Variants in NXPH1 observed in about 807,000 individuals in gnomAD.
NXPH1 encodes the protein neurexophilin 1, also known as neurexophilin-1.
Under a neutral mutation model 23.7 loss-of-function variants are expected in NXPH1, and 5 were observed. The ratio of observed to expected loss-of-function variants is 0.21; its 90% confidence interval spans 0.11 to 0.44. The LOEUF (loss-of-function observed/expected upper bound fraction) is 0.44. NXPH1 is among the 20% of genes least tolerant of loss of function. NXPH1 has a pLI of 0.99. For missense variants in NXPH1, 324 were observed against 321.6 expected (o/e 1.01, Z -0.06); for synonymous variants, 144 against 122.2 (o/e 1.18, Z -1.18).
intron 2 of NXPH1, among the ~76,000 whole-genome samples, chr7:8,634,714 T>G (rs1245272645): frequency 4.2e-5 from 6 of 141,208 alleles, no homozygotes; most frequent in African/African-American, 1.3e-4. Context: ...CAGCCTCACT[T>G]CACCATGTGA....
intron 2 of NXPH1, among the ~76,000 whole-genome samples, chr7:8,531,997 C>G (rs1817956080): frequency 6.6e-6 from 1 of 152,140 alleles, no homozygotes; most frequent in South Asian, 2.1e-4. Context: ...GAGGTACCCT[C>G]AATCCCAACA....
intron 2 of NXPH1, among the ~76,000 whole-genome samples, chr7:8,568,357 T>C (rs1203318377): frequency 2.6e-5 from 4 of 151,970 alleles, no homozygotes; most frequent in African/African-American, 9.7e-5. Context: ...GATGCTATGA[T>C]TTTTAAAAAT....
chr7:8,730,066 G>A (rs1040861984), intron 2 of NXPH1, among the ~76,000 whole-genome samples: 2 of 152,108 alleles, frequency 1.3e-5, no homozygotes, highest in East Asian at 1.9e-4. Context: ...AGCTCTTCTT[G>A]TTGAATTGAT....
intron 2 of NXPH1, among the ~76,000 whole-genome samples, chr7:8,595,292 C>T (rs958932934): frequency 4.0e-5 from 6 of 151,846 alleles, no homozygotes; most frequent in African/African-American, 7.3e-5. Flanking sequence ...AAAATAAAGA[C>T]AACAAATATG....
chr7:8,438,635 T>G (rs1351737866), intron 2 of NXPH1, among the ~76,000 whole-genome samples: 1 of 152,202 alleles, frequency 6.6e-6, no homozygotes, highest in Non-Finnish European at 1.5e-5. Flanking sequence ...TCTAGTTATC[T>G]CCTAAAGAAA....
chr7:8,718,659 G>T (rs985061176), intron 2 of NXPH1, among the ~76,000 whole-genome samples: 1 of 152,072 alleles, frequency 6.6e-6, no homozygotes, highest in Non-Finnish European at 1.5e-5. Flanking sequence ...ATCCTTTTCC[G>T]AATCTTCCTA....
intron 2 of NXPH1, among the ~76,000 whole-genome samples, chr7:8,708,196 A>G (rs115473326): frequency 8.0e-4 from 122 of 152,270 alleles, no homozygotes; most frequent in Middle Eastern, 3.4e-3. Flanking sequence ...ATGATCAAAC[A>G]TGAGGAACCT....
At chr7:8,678,342 A>G (rs1820986461) in intron 2 of NXPH1, among the ~76,000 whole-genome samples, 1 of 152,114 alleles carries the variant, frequency 6.6e-6, no homozygotes, top group Non-Finnish European at 1.5e-5. Flanking sequence ...CCTTGAGTAG[A>G]TATATTTTTC....
intron 2 of NXPH1, among the ~76,000 whole-genome samples, chr7:8,553,033 T>C (rs1349736741): frequency 6.6e-6 from 1 of 151,504 alleles, no homozygotes; most frequent in Non-Finnish European, 1.5e-5. Context: ...AGAGAGCACA[T>C]ATGTACCAAA....
chr7:8,454,211 A>G (rs779691094), intron 2 of NXPH1, among the ~76,000 whole-genome samples: 2 of 152,140 alleles, frequency 1.3e-5, no homozygotes, highest in Non-Finnish European at 2.9e-5. Flanking sequence ...ACAAACCTGC[A>G]CTTGTACCCC....
At position 8,680,788 on chromosome 7, in the gene NXPH1, T is replaced by G. The variant is rs147365653; in HGVS notation, c.55-70220T>G. ...GAGCTGCCAGTGCTAATGAGGTAGC[T>G]CCCATCAAGGATACCTGTGATCAGC... On this transcript the variant is annotated intron_variant, in intron 2 of 2. Transcript: ENST00000405863. 1.0e-3 allele frequency among the ~76,000 whole-genome samples: 158 copies of G among 152,280 alleles called. 2 individuals are homozygous for G. The highest frequency in any genetic ancestry group is 6.8e-3 in the South Asian group (33 of 4,824).
chr7:8,538,224 AATATCT>A (rs1818059294), intron 2 of NXPH1, among the ~76,000 whole-genome samples: 1 of 151,884 alleles, frequency 6.6e-6, no homozygotes, highest in Admixed American at 6.6e-5. Flanking sequence ...CTTGCCCCCA[AATATCT>A]GGCTGGTGAC....
Position 8,445,557 on chromosome 7 carries a change from C to T in NXPH1, c.54+9790C>T, listed in dbSNP as rs368120125. ...CAGGAATTTTAATACAATTGAAAAC[C>T]GCAGACTAAAAGAAAGAGGCACTTT... On this transcript the variant is annotated intron_variant, in intron 2 of 2. Transcript: ENST00000405863. 5.9e-5 allele frequency among the ~76,000 whole-genome samples: 9 copies of T among 152,060 alleles called. No homozygotes were observed. In the East Asian group the frequency reaches 7.7e-4, roughly 13 times the overall value.
rs762594191 is a variant in NXPH1 at position 8,634,195 on chromosome 7, C to T, written c.55-116813C>T. ...GTATCATGGGAGAGACCCGGTGGTA[C>T]GTAATTGAATCATGGGGGCGGGTTT... is the stretch of plus-strand genomic sequence containing the variant. On this transcript the variant is annotated intron_variant, in intron 2 of 2. Coordinates refer to ENST00000405863, the MANE Select transcript of NXPH1 (RefSeq NM_152745.3). 2.0e-5 allele frequency among the ~76,000 whole-genome samples: 3 copies of T among 151,962 alleles called. No individual in the cohort carries two copies. The East Asian group carries it at 5.8e-4, about 29-fold the overall frequency.
At chr7:8,728,898 A>G (rs1203182213) in intron 2 of NXPH1, among the ~76,000 whole-genome samples, 1 of 151,070 alleles carries the variant, frequency 6.6e-6, no homozygotes, top group African/African-American at 2.4e-5. Context: ...TGATTGGAAT[A>G]GTTTCAGAAG....
chr7:8,681,034 A>G (rs1821041626), intron 2 of NXPH1, among the ~76,000 whole-genome samples: 1 of 152,214 alleles, frequency 6.6e-6, no homozygotes, highest in African/African-American at 2.4e-5. Context: ...TCAAACACAC[A>G]ACTGGCTAGT....
intron 2 of NXPH1, among the ~76,000 whole-genome samples, chr7:8,606,213 C>T (rs990234650): frequency 1.3e-5 from 2 of 151,900 alleles, no homozygotes; most frequent in Admixed American, 6.6e-5. Context: ...AACAGATGAA[C>T]AGATTGATAG....
intron 2 of NXPH1, among the ~76,000 whole-genome samples, chr7:8,696,414 C>T (rs965186406): frequency 6.6e-6 from 1 of 152,084 alleles, no homozygotes; most frequent in Non-Finnish European, 1.5e-5. Flanking sequence ...TACTAAATAA[C>T]TAAGTAAGCC....
chr7:8,736,448 T>A (rs1200947929), intron 2 of NXPH1, among the ~76,000 whole-genome samples: 1 of 152,210 alleles, frequency 6.6e-6, no homozygotes, highest in Non-Finnish European at 1.5e-5. Context: ...TTTGAATGAG[T>A]TTCTTAATCT....
Sources: gnomAD v4.1 joint callset for allele counts (sites outside exome capture counted in the v4.1 genomes callset) on GRCh38, gnomAD v4.1.1 for gene constraint, MANE v1.5 for transcripts, NCBI Gene and HGNC (gene_info 2026-07-23, HGNC 2026-07-21) for gene names.